The following TNR variants were observed in gnomAD, a reference collection of about 807,000 sequenced individuals.
The protein encoded by TNR is tenascin R, also known as tenascin-R.
A neutral mutation model predicts 150.4 loss-of-function variants in TNR; 45 were observed. The ratio of observed to expected loss-of-function variants is 0.30; its 90% CI spans 0.24 to 0.38. TNR has a LOEUF of 0.38. Among genes scored for constraint, TNR ranks in the 10% least tolerant of loss-of-function variants. The pLI, the probability that TNR is intolerant of heterozygous loss-of-function variation, is 1.00. For synonymous variants in TNR, 687 were observed against 678.4 expected, an observed-to-expected ratio of 1.01 and a Z score of -0.20; for missense variants, 1,544 against 1,759.1, an observed-to-expected ratio of 0.88 and a Z score of 2.19.
chr1:175,534,800 T>G lies in TNR; in HGVS notation c.-164-6431A>C, dbSNP rs918855761. On this transcript the variant is annotated intron_variant, in intron 1 of 22. Transcript: ENST00000367674. ...TCCCCACCCAAATCTCACCATGAAT[T>G]GTAAGAATCCCCACATGTCAAGGAC... 3.5e-4 allele frequency among the ~76,000 whole-genome samples: 53 copies of G among 152,280 alleles called. 1 individual carries two copies. The highest frequency in any genetic ancestry group is 1.3e-3 in the African/African-American group (52 of 41,560).
At chr1:175,355,062 T>A (rs1179733895) in intron 17 of TNR, among the ~76,000 whole-genome samples, 2 of 152,198 alleles carry the variant, frequency 1.3e-5, no homozygotes, top group Admixed American at 6.5e-5. Context: ...TCAAGAGGCA[T>A]AAAAGCCTAT....
At chr1:175,602,890 T>G (rs780097552) in intron 1 of TNR, among the ~76,000 whole-genome samples, 1 of 152,244 alleles carries the variant, frequency 6.6e-6, no homozygotes, top group Non-Finnish European at 1.5e-5. Context: ...GGCACATATT[T>G]GAGGGTACTA....
chr1:175,335,106 C>T (rs1172623031), intron 20 of TNR, among the ~76,000 whole-genome samples: 1 of 152,228 alleles, frequency 6.6e-6, no homozygotes. Context: ...GAGGGGGACA[C>T]AGGTCATAAT....
chr1:175,354,446 C>T lies in TNR; in HGVS notation c.3327G>A (p.Leu1109=). 6.2e-7 allele frequency: 1 copy of T among 1,614,156 alleles called. No individual in the cohort carries two copies. The highest frequency in any genetic ancestry group is 8.5e-7 in the Non-Finnish European group (1 of 1,180,000). ...TCCACGTGGTGTCCTGTGCTGCCTG[C>T]AGGAGCACCGTGTAGTCTGTGTTCT... is the stretch of plus-strand genomic sequence containing the variant. The part of the protein sequence containing the change: ...LLENTDYTVL[L]QAAQDTTWSS... Residue 1109 remains leucine (L), a synonymous_variant, in exon 18 of 23, where the codon CTG becomes CTA. Transcript: ENST00000367674.
At chr1:175,403,018 T>C (rs539487084) in intron 4 of TNR, 122 bp downstream of exon 4, 2 of 843,284 alleles carry the variant, frequency 2.4e-6, no homozygotes, top group South Asian at 1.6e-5. Flanking sequence ...TACAACTCAA[T>C]TGAGAATTAT....
chr1:175,645,595 G>T (rs1008138891), intron 1 of TNR, among the ~76,000 whole-genome samples: 5 of 152,178 alleles, frequency 3.3e-5, no homozygotes, highest in Non-Finnish European at 5.9e-5. Context: ...TTCTTCATGT[G>T]GCTGATTCTT....
chr1:175,639,509 C>G (rs1402238237), intron 1 of TNR, among the ~76,000 whole-genome samples: 2 of 152,140 alleles, frequency 1.3e-5, no homozygotes, highest in African/African-American at 4.8e-5. Flanking sequence ...TTTCCTTTTT[C>G]AAACCTACAC....
At chr1:175,404,441 T>G (rs564209785) in intron 3 of TNR, among the ~76,000 whole-genome samples, 23 of 152,334 alleles carry the variant, frequency 1.5e-4, no homozygotes, top group African/African-American at 5.1e-4. Flanking sequence ...TACGCATGTC[T>G]CTGTCCTAGA....
At chr1:175,568,369 G>T (rs1304246538) in intron 1 of TNR, among the ~76,000 whole-genome samples, 1 of 151,040 alleles carries the variant, frequency 6.6e-6, no homozygotes, top group Non-Finnish European at 1.5e-5. Flanking sequence ...ATTGTTTAAA[G>T]AGCCTCGGGC....
intron 1 of TNR, among the ~76,000 whole-genome samples, chr1:175,626,766 A>G (rs1664168960): frequency 6.6e-6 from 1 of 152,208 alleles, no homozygotes; most frequent in Non-Finnish European, 1.5e-5. Flanking sequence ...GAACTTGTGA[A>G]TGTGACCTTG....
intron 2 of TNR, among the ~76,000 whole-genome samples, chr1:175,416,651 CCCAAG>C (rs1431722240): frequency 6.6e-6 from 1 of 152,148 alleles, no homozygotes; most frequent in Non-Finnish European, 1.5e-5. Context: ...CAGACTGTAG[CCCAAG>C]TTGATGGTTT....
intron 1 of TNR, among the ~76,000 whole-genome samples, chr1:175,590,650 G>A (rs1272240646): frequency 6.6e-6 from 1 of 152,244 alleles, no homozygotes; most frequent in African/African-American, 2.4e-5. Flanking sequence ...CAGTTGAGGT[G>A]GGTGGCCAGC....
At chr1:175,737,728 G>A (rs747631943) in intron 1 of TNR, among the ~76,000 whole-genome samples, 3 of 152,102 alleles carry the variant, frequency 2.0e-5, no homozygotes, top group Non-Finnish European at 2.9e-5. Context: ...GTCATTTACA[G>A]CCACAGCATG....
intron 14 of TNR, among the ~76,000 whole-genome samples, chr1:175,361,826 A>G (rs909433391): frequency 3.3e-5 from 5 of 152,210 alleles, no homozygotes; most frequent in Non-Finnish European, 7.3e-5. Context: ...TGAGTTCTGC[A>G]GCGAATCTTT....
intron 1 of TNR, among the ~76,000 whole-genome samples, chr1:175,645,816 T>C (rs1664795818): frequency 6.6e-6 from 1 of 152,232 alleles, no homozygotes; most frequent in Admixed American, 6.5e-5. Context: ...AACTAAGCTT[T>C]TGTCTGAAAC....
intron 1 of TNR, among the ~76,000 whole-genome samples, chr1:175,634,297 C>G (rs752737696): frequency 7.2e-5 from 11 of 152,180 alleles, no homozygotes; most frequent in Non-Finnish European, 1.3e-4. Flanking sequence ...GTCACCAGCT[C>G]TGCCGCCTTC....
chr1:175,519,190 C>A (rs749447840), intron 2 of TNR, among the ~76,000 whole-genome samples: 3 of 152,186 alleles, frequency 2.0e-5, no homozygotes, highest in Non-Finnish European at 4.4e-5. Flanking sequence ...TTACAGTTAC[C>A]GCTCTGACTC....
intron 1 of TNR, among the ~76,000 whole-genome samples, chr1:175,735,655 C>G (rs1667751607): frequency 6.6e-6 from 1 of 152,176 alleles, no homozygotes. Flanking sequence ...CAAACAATTA[C>G]TCTAGCCCAG....
intron 17 of TNR, 105 bp from the exon 18 acceptor site, chr1:175,354,628 T>C: frequency 7.0e-7 from 1 of 1,434,240 alleles, no homozygotes; most frequent in Non-Finnish European, 9.6e-7. Context: ...AGGTCAGTAT[T>C]GCAATGGCCA....
Sources: allele counts gnomAD v4.1 joint callset (sites outside exome capture counted in the v4.1 genomes callset), GRCh38; gene constraint gnomAD v4.1.1; transcripts MANE v1.5; gene names NCBI Gene and HGNC (gene_info 2026-07-23, HGNC 2026-07-21).